The following FAM161A variants were observed in gnomAD, a reference collection of about 807,000 sequenced individuals.
The protein encoded by FAM161A is protein FAM161A.
FAM161A carries 57 observed loss-of-function variants against 70.9 expected under a neutral mutation model. That is an observed-to-expected ratio of 0.80 (90% CI 0.65 to 1.00). The LOEUF (loss-of-function observed/expected upper bound fraction) is 1.00. Among genes scored for constraint, FAM161A ranks in the 50% least tolerant of loss-of-function variants. The pLI is 0.00. For missense variants in FAM161A, 880 were observed against 836.0 expected, an observed-to-expected ratio of 1.05 and a Z score of -0.65; for synonymous variants, 299 against 295.7, an observed-to-expected ratio of 1.01 and a Z score of -0.12.
chr2:61,852,852 A>C (rs1435893391), intron 1 of FAM161A, among the ~76,000 whole-genome samples: 1 of 152,098 alleles, frequency 6.6e-6, no homozygotes, highest in African/African-American at 2.4e-5. Context: ...CTCAATCATA[A>C]GTTTGGTGTC....
At chr2:61,852,105 C>A (rs1351600752) in intron 1 of FAM161A, among the ~76,000 whole-genome samples, 1 of 152,116 alleles carries the variant, frequency 6.6e-6, no homozygotes, top group Non-Finnish European at 1.5e-5. Context: ...TGGCAGCTTA[C>A]CCAGCTTTAC....
At chr2:61,849,783 C>CA (rs764962950) in intron 1 of FAM161A, among the ~76,000 whole-genome samples, 1,368 of 53,422 alleles carry the variant, frequency 0.026, 12 homozygotes, top group Middle Eastern at 0.079. Flanking sequence ...GACTCCATCA[C>CA]AAAAAAAAAA....
At chr2:61,850,701 T>C (rs1178010517) in intron 1 of FAM161A, among the ~76,000 whole-genome samples, 1 of 152,144 alleles carries the variant, frequency 6.6e-6, no homozygotes, top group African/African-American at 2.4e-5. Flanking sequence ...TGCAGTGACC[T>C]GTGACTGCAC....
rs897529298 is a variant in FAM161A, at chr2:61,838,876, A to G, written c.1584-171T>C. Among the ~76,000 whole-genome samples, 4 of 142,512 alleles carry G rather than the reference A, an allele frequency of 2.8e-5. No individual in the cohort carries two copies. In the East Asian group the frequency reaches 7.8e-4, roughly 28 times the overall value. The allele number at this position is 142,512 out of a possible 152,430, so 93.5% of individuals were successfully genotyped here. A position where few individuals can be genotyped will look rare whatever the true frequency, so the allele number is the denominator to read the frequency against. ...GAAATATTTATTTATTTATTTATTT[A>G]TTTATTTATTTATTTATTTTTTTTG... On this transcript the variant is annotated intron_variant, in intron 3 of 6. Transcript: ENST00000404929.
chr2:61,827,025 T>C (rs1317182115), intron 6 of FAM161A, 79 bp downstream of exon 6: 1 of 1,353,878 alleles, frequency 7.4e-7, no homozygotes, highest in African/African-American at 1.4e-5. Context: ...ACAAAAAATA[T>C]ACATAGTATA....
chr2:61,816,215 A>G, the FAM161A span, among the ~76,000 whole-genome samples: 1 of 152,218 alleles, frequency 6.6e-6, no homozygotes, highest in South Asian at 2.1e-4. Flanking sequence ...GAAACTCCAC[A>G]TCTGAGCTAT....
At chr2:61,810,885 T>C in the FAM161A span, among the ~76,000 whole-genome samples, 3 of 152,160 alleles carry the variant, frequency 2.0e-5, no homozygotes, top group African/African-American at 4.8e-5. Context: ...TCAGTATTTA[T>C]GGGAACTATC....
At position 61,825,199 on chromosome 2, in the gene FAM161A, A is replaced by G; in HGVS notation, c.*1256T>C. ...ATATTATCTTTATGATTGGCTTCAA[A>G]TTTTAAAACAAAAATTTGCTTAAAG... On this transcript the variant is annotated 3_prime_UTR_variant, in exon 7 of 7. Coordinates refer to ENST00000404929, the MANE Select transcript of FAM161A (RefSeq NM_001201543.2). 1 of 436,350 alleles carries G rather than the reference A, an allele frequency of 2.3e-6. No individual in the cohort carries two copies. Among genetic ancestry groups the G allele is most frequent in the Non-Finnish European group, 4.5e-6 (1 of 222,586 alleles). The allele number at this position is 436,350 out of a possible 1,614,324, so 27.0% of individuals were successfully genotyped here.
intron 1 of FAM161A, among the ~76,000 whole-genome samples, chr2:61,849,403 G>A (rs1239522965): frequency 1.3e-5 from 2 of 151,362 alleles, no homozygotes; most frequent in South Asian, 2.1e-4. Flanking sequence ...ACTATGGGAG[G>A]CCGAGGAGGG....
At chr2:61,816,823 C>T in the FAM161A span, among the ~76,000 whole-genome samples, 406 of 152,216 alleles carry the variant, frequency 2.7e-3, 11 homozygotes, top group Admixed American at 0.023. Context: ...CTTGCCTCGG[C>T]AATCACATTC....
rs576363879 is a variant in FAM161A, at chr2:61,843,426, C to A, written c.184-1066G>T. On this transcript the variant is annotated intron_variant, in intron 1 of 6. Coordinates refer to ENST00000404929, the MANE Select transcript of FAM161A (RefSeq NM_001201543.2). Reference sequence around the variant, plus strand: ...ATGGGCATGAGCCACCGTGCCCTACCCTTTCAGTTCTTTTAATTGAAGCAA... The same window carrying A: ...ATGGGCATGAGCCACCGTGCCCTACACTTTCAGTTCTTTTAATTGAAGCAA... 1.8e-3 allele frequency among the ~76,000 whole-genome samples: 276 copies of A among 151,706 alleles called. 1 individual carries two copies. The highest frequency in any genetic ancestry group is 6.3e-3 in the African/African-American group (259 of 41,316).
chr2:61,829,099 A>C (rs930526851), intron 5 of FAM161A, among the ~76,000 whole-genome samples: 1 of 152,132 alleles, frequency 6.6e-6, no homozygotes. Context: ...TCTAACCCCC[A>C]TATTTAATAA....
intron 1 of FAM161A, among the ~76,000 whole-genome samples, chr2:61,845,420 C>G (rs1340214178): frequency 6.6e-6 from 1 of 152,124 alleles, no homozygotes; most frequent in Non-Finnish European, 1.5e-5. Context: ...AACCAGGTGA[C>G]CAGTGACCAG....
rs1385361318 is a variant in FAM161A, at chr2:61,836,783, AG to A, written c.1752-675del. 2.3e-5 allele frequency: 4 copies of A among 176,270 alleles called. No homozygotes were observed. In the South Asian group the frequency reaches 3.7e-4, roughly 16 times the overall value. 10.9% of individuals were successfully genotyped at this position (176,270 alleles called of 1,614,324 possible). On this transcript the variant is annotated intron_variant, in intron 4 of 6. Transcript: ENST00000404929. ...AGATGAGGGTTTCACCATGTTGGCC[AG>A]GCTGGTCTTGAACTCCTGACCTCAG...
chr2:61,808,217 ATATAGT>A, the FAM161A span, among the ~76,000 whole-genome samples: 3 of 152,170 alleles, frequency 2.0e-5, no homozygotes, highest in Non-Finnish European at 2.9e-5. Context: ...TTAACAGGAA[ATATAGT>A]TAAAGTTTCA....
the FAM161A span, among the ~76,000 whole-genome samples, chr2:61,810,688 G>A: frequency 2.6e-5 from 4 of 151,752 alleles, no homozygotes; most frequent in South Asian, 2.1e-4. Flanking sequence ...TCGAACTCCC[G>A]ACCTCAGGTG....
the FAM161A span, among the ~76,000 whole-genome samples, chr2:61,810,325 AGTCCT>A: frequency 1.3e-5 from 2 of 152,116 alleles, no homozygotes; most frequent in African/African-American, 4.8e-5. Flanking sequence ...CCCTCTGAAG[AGTCCT>A]GTAGAAGCCA....
At position 61,826,330 on chromosome 2, in the gene FAM161A, T is replaced by C. The variant is rs1178158829; in HGVS notation, c.*125A>G. 9.8e-7 allele frequency: 1 copy of C among 1,025,600 alleles called. No individual in the cohort carries two copies. The highest frequency in any genetic ancestry group is 1.5e-6 in the Non-Finnish European group (1 of 667,270). 63.5% of individuals were successfully genotyped at this position (1,025,600 alleles called of 1,614,324 possible). A position where few individuals can be genotyped will look rare whatever the true frequency, so the allele number is the denominator to read the frequency against. The stretch of plus-strand genomic sequence containing the variant: ...GGATTCAGGCTTTTCAGGCTACAGA[T>C]GACTTTGATCAACAGCCCTGCACAT... On this transcript the variant is annotated 3_prime_UTR_variant, in exon 7 of 7. Transcript: ENST00000404929.
chr2:61,845,644 G>A (rs763421226), intron 1 of FAM161A, among the ~76,000 whole-genome samples: 29 of 151,902 alleles, frequency 1.9e-4, no homozygotes, highest in Admixed American at 2.6e-4. Context: ...GCAACACGGC[G>A]AGACACCATC....
Sources: gnomAD v4.1 joint callset for allele counts (sites outside exome capture counted in the v4.1 genomes callset) on GRCh38, gnomAD v4.1.1 for gene constraint, MANE v1.5 for transcripts, NCBI Gene and HGNC (gene_info 2026-07-23, HGNC 2026-07-21) for gene names.